The following DIAPH2 variants were observed in gnomAD, a reference collection of about 807,000 sequenced individuals.
DIAPH2 encodes protein diaphanous homolog 2.
A neutral mutation model predicts 92.7 loss-of-function variants in DIAPH2; 35 were observed. That is an observed-to-expected ratio of 0.38 (90% CI 0.29 to 0.50). The LOEUF (loss-of-function observed/expected upper bound fraction) is 0.50. DIAPH2 is among the 20% of genes least tolerant of loss of function. The probability of loss-of-function intolerance (pLI) is 0.94; values close to 1 mark genes in which losing one functional copy is unlikely to be tolerated. For missense variants in DIAPH2, 701 were observed against 819.5 expected, an observed-to-expected ratio of 0.86 and a Z score of 1.77; for synonymous variants, 301 against 280.4, an observed-to-expected ratio of 1.07 and a Z score of -0.73.
intron 17 of DIAPH2, among the ~76,000 whole-genome samples, chrX:96,975,384 A>G (rs1311953438): frequency 8.9e-6 from 1 of 111,863 alleles, no homozygotes; most frequent in African/African-American, 3.2e-5. Flanking sequence ...AATTCTTGCA[A>G]TTGACTTGAA....
chrX:97,445,373 G>T (rs910889070), intron 26 of DIAPH2, among the ~76,000 whole-genome samples: 1 of 110,971 alleles, frequency 9.0e-6, no homozygotes, highest in Non-Finnish European at 1.9e-5. Flanking sequence ...TGATTCAGAA[G>T]AATTTTGTTT....
intron 17 of DIAPH2, among the ~76,000 whole-genome samples, chrX:97,010,250 A>G (rs751482965): frequency 1.2e-4 from 13 of 110,084 alleles, no homozygotes; most frequent in African/African-American, 4.0e-4. Flanking sequence ...AAGTCCCACA[A>G]TCATTGTGCT....
chrX:97,082,124 T>A (rs972905708), intron 19 of DIAPH2, among the ~76,000 whole-genome samples: 39 of 104,919 alleles, frequency 3.7e-4, no homozygotes, highest in Non-Finnish European at 6.5e-4. Flanking sequence ...AAAAAAAAAA[T>A]TGAGCCTATT....
chrX:97,517,638 T>C (rs986858165), intron 26 of DIAPH2, among the ~76,000 whole-genome samples: 1 of 112,702 alleles, frequency 8.9e-6, no homozygotes, highest in African/African-American at 3.2e-5. Flanking sequence ...CCTATTGATC[T>C]CACCTGAGAA....
intron 16 of DIAPH2, among the ~76,000 whole-genome samples, chrX:96,962,982 C>A (rs5920990): frequency 9.0e-6 from 1 of 111,251 alleles, no homozygotes; most frequent in Non-Finnish European, 1.9e-5. Context: ...CTCTTTCAGA[C>A]ACGTAGGACT....
At chrX:97,185,119 A>C (rs1275664608) in intron 22 of DIAPH2, among the ~76,000 whole-genome samples, 1 of 101,323 alleles carries the variant, frequency 9.9e-6, no homozygotes, top group Non-Finnish European at 2.0e-5. Flanking sequence ...TCTCTACTAA[A>C]AATATTTAAA....
intron 1 of DIAPH2, among the ~76,000 whole-genome samples, chrX:96,704,971 G>GTTTT (rs397896760): frequency 2.1e-4 from 18 of 84,553 alleles, no homozygotes; most frequent in African/African-American, 2.7e-4. Flanking sequence ...AAAACAGAGG[G>GTTTT]TTTTTTTTTT....
intron 17 of DIAPH2, among the ~76,000 whole-genome samples, chrX:96,967,432 A>AT (rs755928819): frequency 4.7e-4 from 51 of 108,728 alleles, no homozygotes; most frequent in African/African-American, 1.7e-3. Flanking sequence ...TCATTTATTC[A>AT]TTTTGAGACA....
At chrX:97,164,598 CAT>C (rs772554406) in intron 22 of DIAPH2, among the ~76,000 whole-genome samples, 16 of 112,523 alleles carry the variant, frequency 1.4e-4, no homozygotes, top group Non-Finnish European at 2.6e-4. Flanking sequence ...ACTATTTTCA[CAT>C]GTGTGACTTT....
At chrX:97,400,615 G>A (rs1012251957) in intron 25 of DIAPH2, among the ~76,000 whole-genome samples, 2 of 111,259 alleles carry the variant, frequency 1.8e-5, no homozygotes, top group African/African-American at 6.6e-5. Flanking sequence ...TGTACAATCA[G>A]TCTCCAGAAC....
intron 22 of DIAPH2, among the ~76,000 whole-genome samples, chrX:97,145,262 G>A (rs886752961): frequency 1.2e-4 from 11 of 95,331 alleles, no homozygotes; most frequent in African/African-American, 4.1e-4. Flanking sequence ...GTAAGTATGC[G>A]GCTGTTGCTG....
At chrX:96,782,974 A>G (rs2064429876) in intron 4 of DIAPH2, among the ~76,000 whole-genome samples, 1 of 112,079 alleles carries the variant, frequency 8.9e-6, no homozygotes, top group South Asian at 3.7e-4. Flanking sequence ...ATAAAATTGC[A>G]ATTCTGTTAA....
At chrX:97,481,542 A>T (rs1243945617) in intron 26 of DIAPH2, among the ~76,000 whole-genome samples, 1 of 111,482 alleles carries the variant, frequency 9.0e-6, no homozygotes, top group African/African-American at 3.3e-5. Context: ...ACCCAGTAGT[A>T]TTTTTGCTAA....
At chrX:97,348,480 T>G in intron 24 of DIAPH2, among the ~76,000 whole-genome samples, 200 bp downstream of exon 24, 1 of 112,190 alleles carries the variant, frequency 8.9e-6, no homozygotes, top group Non-Finnish European at 1.9e-5. Flanking sequence ...AATGTGGACC[T>G]AAATGAATCA....
intron 19 of DIAPH2, among the ~76,000 whole-genome samples, chrX:97,092,900 C>G (rs182387794): frequency 9.0e-6 from 1 of 111,294 alleles, no homozygotes; most frequent in East Asian, 2.8e-4. Flanking sequence ...AAAATCTATT[C>G]TAGGCCAGGC....
chrX:96,974,241 C>G (rs1222509878), intron 17 of DIAPH2, among the ~76,000 whole-genome samples: 2 of 111,874 alleles, frequency 1.8e-5, no homozygotes, highest in East Asian at 5.6e-4. Context: ...GACTTTGTGG[C>G]GTAGGTGGCA....
chrX:97,164,176 A>T (rs1381485733), intron 22 of DIAPH2, among the ~76,000 whole-genome samples: 1 of 111,835 alleles, frequency 8.9e-6, no homozygotes, highest in Non-Finnish European at 1.9e-5. Context: ...CAACCTTTAA[A>T]ATACTTATAC....
chrX:97,144,874 C>T (rs1252385696), intron 22 of DIAPH2, among the ~76,000 whole-genome samples: 1 of 111,893 alleles, frequency 8.9e-6, no homozygotes, highest in African/African-American at 3.3e-5. Flanking sequence ...AAGCAATTCT[C>T]CTACCTCAGC....
At chrX:97,438,428 C>T (rs1001884925) in intron 26 of DIAPH2, among the ~76,000 whole-genome samples, 1 of 87,220 alleles carries the variant, frequency 1.1e-5, no homozygotes, top group African/African-American at 4.6e-5. Context: ...TGCAGTGGTG[C>T]GATCACCACT....
Sources: gnomAD v4.1 joint callset for allele counts (sites outside exome capture counted in the v4.1 genomes callset) on GRCh38, gnomAD v4.1.1 for gene constraint, MANE v1.5 for transcripts, NCBI Gene and HGNC (gene_info 2026-07-23, HGNC 2026-07-21) for gene names.